The following NCKAP5 variants were observed in gnomAD, a reference collection of about 807,000 sequenced individuals.
The protein encoded by NCKAP5 is nck-associated protein 5.
In NCKAP5, 92 loss-of-function variants were observed where a neutral mutation model predicts 167.0. The ratio of observed to expected loss-of-function variants is 0.55; its 90% confidence interval spans 0.47 to 0.66. The LOEUF (loss-of-function observed/expected upper bound fraction) is 0.66. NCKAP5 is among the 30% of genes least tolerant of loss of function. The pLI is 0.00. For synonymous variants in NCKAP5, 891 were observed against 877.4 expected, an observed-to-expected ratio of 1.02 and a Z score of -0.27; for missense variants, 2,378 against 2,315.0, an observed-to-expected ratio of 1.03 and a Z score of -0.56.
intron 4 of NCKAP5, among the ~76,000 whole-genome samples, chr2:133,280,180 C>A (rs2089884723): frequency 6.6e-6 from 1 of 152,074 alleles, no homozygotes; most frequent in Admixed American, 6.5e-5. Context: ...AACCTAAGTA[C>A]AAACAGGGAA....
chr2:132,887,351 CCA>C (rs1692322666), intron 8 of NCKAP5, among the ~76,000 whole-genome samples: 4 of 123,322 alleles, frequency 3.2e-5, no homozygotes, highest in Admixed American at 7.8e-5. Flanking sequence ...ATCTATCTAT[CCA>C]TCCATCCATC....
chr2:133,560,090 T>C (rs1670445725), intron 1 of NCKAP5, among the ~76,000 whole-genome samples: 2 of 152,188 alleles, frequency 1.3e-5, no homozygotes, highest in African/African-American at 4.8e-5. Flanking sequence ...CACACACTTA[T>C]TGAAAGTTAG....
intron 6 of NCKAP5, among the ~76,000 whole-genome samples, chr2:133,028,404 G>A (rs1341255909): frequency 6.6e-6 from 1 of 152,088 alleles, no homozygotes; most frequent in African/African-American, 2.4e-5. Flanking sequence ...TCAATGCTGA[G>A]CATATATCAT....
rs759380104 is a variant in NCKAP5 at position 132,782,334 on chromosome 2, G to A, written c.4477C>T (p.Pro1493Ser). 2 of 1,614,034 alleles carry A rather than the reference G, an allele frequency of 1.2e-6. No individual in the cohort carries two copies. The highest frequency in any genetic ancestry group is 2.2e-5 in the South Asian group (2 of 91,082). ...TTCTGCTTTGCTTCCACAGAGGTGGGCTTTGTTTGCACTTGGCCCTTTTCC... is the reference window on the plus strand; with the variant it reads ...TTCTGCTTTGCTTCCACAGAGGTGGACTTTGTTTGCACTTGGCCCTTTTCC... ...NVEKGQVQTK[P>S]TSVEAKQKPG... Residue 1493 changes from proline (P) to serine (S), a missense_variant, in exon 14 of 20, where the codon CCC (proline) becomes TCC (serine). Pro to Ser is a moderately conservative substitution (Grantham distance 74). This residue lies in a region of NCKAP5 where 1,325 missense variants were observed against 1,274.5 expected (regional missense o/e 1.04). Coordinates refer to ENST00000409261, the MANE Select transcript of NCKAP5 (RefSeq NM_207363.3).
At chr2:133,197,747 G>C (rs1195641266) in intron 5 of NCKAP5, among the ~76,000 whole-genome samples, 1 of 152,030 alleles carries the variant, frequency 6.6e-6, no homozygotes, top group South Asian at 2.1e-4. Context: ...TCATGAGATA[G>C]AGACCATCCT....
At chr2:132,759,561 C>A (rs917298804) in intron 16 of NCKAP5, among the ~76,000 whole-genome samples, 1 of 152,094 alleles carries the variant, frequency 6.6e-6, no homozygotes, top group Non-Finnish European at 1.5e-5. Flanking sequence ...AAACTTAACT[C>A]CCAAATCGAT....
chr2:133,661,756 C>T, the NCKAP5 span, among the ~76,000 whole-genome samples: 1 of 152,166 alleles, frequency 6.6e-6, no homozygotes, highest in Admixed American at 6.5e-5. Flanking sequence ...CAAGCCCTTT[C>T]CCCTGACCAT....
At chr2:132,813,633 A>G (rs1262847936) in intron 11 of NCKAP5, among the ~76,000 whole-genome samples, 1 of 152,178 alleles carries the variant, frequency 6.6e-6, no homozygotes, top group Non-Finnish European at 1.5e-5. Flanking sequence ...AGGGTTCCAT[A>G]TGTTATCCAG....
intron 8 of NCKAP5, among the ~76,000 whole-genome samples, chr2:132,898,816 C>A (rs148203643): frequency 1.3e-5 from 2 of 152,204 alleles, no homozygotes; most frequent in Admixed American, 1.3e-4. Context: ...GCTGTAAACA[C>A]ATATGTTGTC....
chr2:132,706,094 C>T (rs1688333684), intron 19 of NCKAP5, among the ~76,000 whole-genome samples: 1 of 152,018 alleles, frequency 6.6e-6, no homozygotes, highest in African/African-American at 2.4e-5. Flanking sequence ...TACACACACA[C>T]ACATACACAC....
In NCKAP5 at chr2:132,673,087, AG is replaced by A. The variant is rs1683945938; in HGVS notation, c.*201del. On this transcript the variant is annotated 3_prime_UTR_variant, in exon 20 of 20. Coordinates refer to ENST00000409261, the MANE Select transcript of NCKAP5 (RefSeq NM_207363.3). ...AGCTATCATATAAAGAATCACTCAA[AG>A]ATTCCAAGTTGTCTACCCCAGGCCT... The A allele has an allele frequency of 8.2e-7, 1 of 1,218,408 alleles. No individual in the cohort carries two copies. Among genetic ancestry groups the A allele is most frequent in the African/African-American group, 1.6e-5 (1 of 63,426 alleles). 75.5% of individuals were successfully genotyped at this position (1,218,408 alleles called of 1,614,324 possible).
chr2:132,818,908 G>T (rs1200841642), intron 11 of NCKAP5, among the ~76,000 whole-genome samples: 1 of 152,102 alleles, frequency 6.6e-6, no homozygotes, highest in African/African-American at 2.4e-5. Flanking sequence ...TAAAAATCAA[G>T]TTGAACTTGC....
chr2:133,222,539 TA>T (rs1407023082), intron 4 of NCKAP5, among the ~76,000 whole-genome samples: 4 of 152,228 alleles, frequency 2.6e-5, no homozygotes, highest in African/African-American at 9.6e-5. Context: ...AGTATTCTTA[TA>T]AAATTCTAAG....
intron 3 of NCKAP5, among the ~76,000 whole-genome samples, chr2:133,350,921 T>C (rs953193140): frequency 3.9e-5 from 6 of 152,136 alleles, no homozygotes; most frequent in Admixed American, 3.9e-4. Context: ...TGTCAGCTCC[T>C]ACTTGTCTTA....
chr2:133,230,983 C>T (rs1370285638), intron 4 of NCKAP5, among the ~76,000 whole-genome samples: 1 of 152,156 alleles, frequency 6.6e-6, no homozygotes, highest in East Asian at 1.9e-4. Flanking sequence ...GATGCTGCTG[C>T]CAACCATTCC....
At position 133,017,788 on chromosome 2, in the gene NCKAP5, G is replaced by A. The variant is rs142912283; in HGVS notation, c.342-23549C>T. ...AACACATGAAAGCAGTAACACAAAA[G>A]AGATTTCCCTGGACTGAAATGGAGG... On this transcript the variant is annotated intron_variant, in intron 6 of 19. Coordinates refer to ENST00000409261, the MANE Select transcript of NCKAP5 (RefSeq NM_207363.3). 2.5e-3 allele frequency among the ~76,000 whole-genome samples: 355 copies of A among 144,394 alleles called. 2 individuals are homozygous for A. In the Middle Eastern group the frequency reaches 0.035, roughly 14 times the overall value. The allele number at this position is 144,394 out of a possible 152,430, so 94.7% of individuals were successfully genotyped here.
At chr2:133,111,714 C>T (rs2081920665) in intron 6 of NCKAP5, among the ~76,000 whole-genome samples, 1 of 152,198 alleles carries the variant, frequency 6.6e-6, no homozygotes, top group African/African-American at 2.4e-5. Context: ...TAGGCAACAT[C>T]CAGATAGCTG....
rs1411051111 is a variant in NCKAP5 at position 133,469,826 on chromosome 2, T to C, written c.69+47632A>G. 2.6e-5 allele frequency among the ~76,000 whole-genome samples: 4 copies of C among 152,018 alleles called. No homozygotes were observed. In the East Asian group the frequency reaches 7.7e-4, roughly 29 times the overall value. On this transcript the variant is annotated intron_variant, in intron 3 of 19. Coordinates refer to ENST00000409261, the MANE Select transcript of NCKAP5 (RefSeq NM_207363.3). ...ATCGGCTCCTGAGGCTTCTACATTCTTCATGTAGTTCTCGAGCCTTGGTTT... is the reference window on the plus strand; with the variant it reads ...ATCGGCTCCTGAGGCTTCTACATTCCTCATGTAGTTCTCGAGCCTTGGTTT...
At chr2:133,537,746 T>C (rs1220827414) in intron 2 of NCKAP5, among the ~76,000 whole-genome samples, 1 of 152,182 alleles carries the variant, frequency 6.6e-6, no homozygotes, top group South Asian at 2.1e-4. Flanking sequence ...ATCTTTTTAT[T>C]AAGTCATGAA....
Sources: allele counts gnomAD v4.1 joint callset (sites outside exome capture counted in the v4.1 genomes callset), GRCh38; gene constraint gnomAD v4.1.1; regional missense constraint gnomAD v4.1.1; transcripts MANE v1.5; gene names NCBI Gene and HGNC (gene_info 2026-07-23, HGNC 2026-07-21).